The following AKAP8 variants were observed in gnomAD, a reference collection of about 807,000 sequenced individuals.
The protein encoded by AKAP8 is A-kinase anchoring protein 8, also known as A-kinase anchor protein 8.
AKAP8 carries 24 observed loss-of-function variants against 67.5 expected under a neutral mutation model. The observed-to-expected ratio is 0.36, with a 90% CI of 0.26 to 0.50. The LOEUF (loss-of-function observed/expected upper bound fraction) is 0.50. Ranked by LOEUF, AKAP8 falls within the 20% of genes least tolerant of loss-of-function variation. AKAP8 has a pLI of 0.97. For missense variants in AKAP8, 971 were observed against 955.9 expected, an observed-to-expected ratio of 1.02 and a Z score of -0.21; for synonymous variants, 400 against 371.1, an observed-to-expected ratio of 1.08 and a Z score of -0.90.
chr19:15,373,645 C>G, intron 4 of AKAP8, 141 bp downstream of exon 4: 1 of 1,109,128 alleles, frequency 9.0e-7, no homozygotes, highest in Admixed American at 2.9e-5. Context: ...ACATCACTGA[C>G]CCCCCACGAG....
intron 1 of AKAP8, among the ~76,000 whole-genome samples, chr19:15,377,352 C>T (rs186898470): frequency 7.8e-4 from 119 of 152,300 alleles, no homozygotes; most frequent in Middle Eastern, 3.4e-3. Context: ...GGACACGTTC[C>T]CCCACCCACC....
chr19:15,371,872 C>T (rs988415912), intron 7 of AKAP8, 80 bp downstream of exon 7: 5 of 1,479,960 alleles, frequency 3.4e-6, no homozygotes, highest in Non-Finnish European at 3.7e-6. Flanking sequence ...GGCAGCTGCT[C>T]CTGCCCCTTT....
chr19:15,366,973 C>A (rs1441243599), intron 9 of AKAP8, among the ~76,000 whole-genome samples: 1 of 151,418 alleles, frequency 6.6e-6, no homozygotes, highest in African/African-American at 2.4e-5. Flanking sequence ...AGTGGTGCAA[C>A]CTTGGCTCAC....
Position 15,367,144 on chromosome 19 carries a change from C to T in AKAP8, c.1160+1091G>A, listed in dbSNP as rs1056477547. Among the ~76,000 whole-genome samples the T allele has an allele frequency of 4.6e-5, 7 of 152,168 alleles. No individual in the cohort carries two copies. In the South Asian group the frequency reaches 6.2e-4, roughly 14 times the overall value. On this transcript the variant is annotated intron_variant, in intron 9 of 13. Coordinates refer to ENST00000269701, the MANE Select transcript of AKAP8 (RefSeq NM_005858.4). Reference sequence around the variant, plus strand: ...CTGGTCTTGAACTCCCGGCCTCAAGCGATCCGCCAGCTCAGCCTTCCAAAG... The same window carrying T: ...CTGGTCTTGAACTCCCGGCCTCAAGTGATCCGCCAGCTCAGCCTTCCAAAG...
chr19:15,360,263 A>AGCT (rs774515882), intron 12 of AKAP8, among the ~76,000 whole-genome samples: 1 of 152,152 alleles, frequency 6.6e-6, no homozygotes, highest in African/African-American at 2.4e-5. Flanking sequence ...CTAAGGAGAG[A>AGCT]GCTGCTAACC....
chr19:15,378,858 G>A (rs1213982133), intron 1 of AKAP8, among the ~76,000 whole-genome samples: 1 of 152,182 alleles, frequency 6.6e-6, no homozygotes, highest in South Asian at 2.1e-4. Context: ...CCCTACTGCA[G>A]GCCAAGCGCT....
chr19:15,362,202 C>T lies in AKAP8; in HGVS notation c.1210G>A (p.Glu404Lys), dbSNP rs1399970440. 29 of 1,613,998 alleles carry T rather than the reference C, an allele frequency of 1.8e-5. No individual in the cohort carries two copies. Among genetic ancestry groups the T allele is most frequent in the Non-Finnish European group, 2.5e-5 (29 of 1,180,022 alleles). Residue 404 changes from glutamate (E) to lysine (K), a missense_variant, in exon 10 of 14, where the codon GAG becomes AAG. Around this residue, in one of 3 missense-constraint regions of AKAP8, gnomAD observed 763 missense variants for 745.4 expected, o/e 1.02. Coordinates refer to ENST00000269701, the MANE Select transcript of AKAP8 (RefSeq NM_005858.4). ...VCKFRSFDDE[E>K]IQKHLQSKFH... Reference sequence around the variant, plus strand: ...TTGCTTTGCAGATGCTTCTGGATCTCTTCGTCATCAAAGCTACGGAACTTG... The same window carrying T: ...TTGCTTTGCAGATGCTTCTGGATCTTTTCGTCATCAAAGCTACGGAACTTG...
rs1599552406 is a variant in AKAP8, at chr19:15,353,958, TTCTA to T, written c.*953_*956del. Reference sequence around the variant, plus strand: ...TATATATATATATATTACAGATACCTTCTATCTATGGCAATTTATGTTGGATTAT... The same window carrying T: ...TATATATATATATATTACAGATACCTTCTATGGCAATTTATGTTGGATTAT... On this transcript the variant is annotated 3_prime_UTR_variant, in exon 14 of 14. Transcript: ENST00000269701. 1 of 151,686 alleles carries T rather than the reference TTCTA, an allele frequency of 6.6e-6. No homozygotes were observed. The allele number at this position is 151,686 out of a possible 1,614,324, so 9.4% of individuals were successfully genotyped here. A position where few individuals can be genotyped will look rare whatever the true frequency, so the allele number is the denominator to read the frequency against.
rs1220566374 is a variant in AKAP8, at chr19:15,361,909, A to G, written c.1303-87T>C. On this transcript the variant is annotated intron_variant, in intron 10 of 13. Coordinates refer to ENST00000269701, the MANE Select transcript of AKAP8 (RefSeq NM_005858.4). ...AACTGCCAGGGCTAGGCAGGCAGCTATCAGAGCAGCTGCGTGGGGCAGCAC... is the reference window on the plus strand; with the variant it reads ...AACTGCCAGGGCTAGGCAGGCAGCTGTCAGAGCAGCTGCGTGGGGCAGCAC... 4.2e-6 allele frequency: 6 copies of G among 1,413,906 alleles called. No homozygotes were observed. The African/African-American group carries it at 8.5e-5, about 20-fold the overall frequency. 87.6% of individuals were successfully genotyped at this position (1,413,906 alleles called of 1,614,324 possible). A position where few individuals can be genotyped will look rare whatever the true frequency, so the allele number is the denominator to read the frequency against.
At position 15,373,826 on chromosome 19, in the gene AKAP8, C is replaced by T. The variant is rs762851384; in HGVS notation, c.331G>A (p.Gly111Arg). The T allele has an allele frequency of 2.7e-5, 44 of 1,611,784 alleles. No individual in the cohort carries two copies. In the Admixed American group the frequency reaches 3.2e-4, roughly 12 times the overall value. ...DMMSKEGGRG[G>R]SGGGGEGIQD... ...ATGCCCTCCCCACCGCCGCCGCTCC[C>T]GCCCCTGCCTCCTTCCTTGGACATC... The change falls in exon 4 of 14, where the codon GGG becomes AGG. Residue 111 changes from glycine to arginine, a missense_variant. This residue lies in a region of AKAP8 where 763 missense variants were observed against 745.4 expected (regional missense o/e 1.02). Coordinates refer to ENST00000269701, the MANE Select transcript of AKAP8 (RefSeq NM_005858.4).
Position 15,372,981 on chromosome 19 carries a change from G to T in AKAP8, c.731C>A (p.Pro244His). ...GLGGPSPSRP[P>H]PSLFSQSMAP... ...CATGGACTGGGAGAAGAGGGACGGA[G>T]GTGGCCGGCTGGGGGAGGGCCCTCC... The change falls in exon 5 of 14, where the codon CCT (proline) becomes CAT (histidine). Residue 244 changes from proline (P) to histidine (H), a missense_variant. Physicochemically the swap from Pro to His is moderately conservative, Grantham distance 77. Around this residue, in one of 3 missense-constraint regions of AKAP8, gnomAD observed 763 missense variants for 745.4 expected, o/e 1.02. Coordinates refer to ENST00000269701, the MANE Select transcript of AKAP8 (RefSeq NM_005858.4). The T allele has an allele frequency of 6.4e-7, 1 of 1,566,126 alleles. No homozygotes were observed. Among genetic ancestry groups the T allele is most frequent in the Non-Finnish European group, 8.7e-7 (1 of 1,155,622 alleles).
In AKAP8 at chr19:15,355,067, T is replaced by C; in HGVS notation, c.1927A>G (p.Arg643Gly). The change falls in exon 14 of 14, where the codon AGA becomes GGA. Residue 643 changes from arginine to glycine, a missense_variant. Around this residue, in one of 3 missense-constraint regions of AKAP8, gnomAD observed 204 missense variants for 193.0 expected, o/e 1.06. Transcript: ENST00000269701. ...TAHEKGVPKA[R>G]SEAAEAGNGA... ...TTTCCAGCCTCTGCAGCCTCACTTC[T>C]GGCCTTGGGGACGCCCTTCTCATGT... The C allele has an allele frequency of 6.2e-7, 1 of 1,614,094 alleles. No homozygotes were observed. The highest frequency in any genetic ancestry group is 8.5e-7 in the Non-Finnish European group (1 of 1,180,034).
Position 15,355,006 on chromosome 19 carries a change from G to A in AKAP8, c.1988C>T (p.Ala663Val), listed in dbSNP as rs2048267886. ...TGGGGCAGGAGCAACTCTGGTTTGGGCACTTTCTGCCTCTGCTGCCATTGT... is the reference window on the plus strand; with the variant it reads ...TGGGGCAGGAGCAACTCTGGTTTGGACACTTTCTGCCTCTGCTGCCATTGT... ...AETMAAEAES[A>V]QTRVAPAPAA... is the part of the protein sequence containing the mutation. The change falls in exon 14 of 14, where the codon GCC (alanine) becomes GTC (valine). Residue 663 changes from alanine to valine, a missense_variant. Ala to Val is a moderately conservative substitution (Grantham distance 64). Coordinates refer to ENST00000269701, the MANE Select transcript of AKAP8 (RefSeq NM_005858.4). 1 of 1,614,018 alleles carries A rather than the reference G, an allele frequency of 6.2e-7. No individual in the cohort carries two copies.
At position 15,354,884 on chromosome 19, in the gene AKAP8, C is replaced by T; in HGVS notation, c.*31G>A. On this transcript the variant is annotated 3_prime_UTR_variant, in exon 14 of 14. Transcript: ENST00000269701. ...AGAAAGACCAACGCATCCATCATCC[C>T]AACGCCTTCCCTGGAACAGGGAAAT... 1.2e-6 allele frequency: 2 copies of T among 1,607,874 alleles called. No individual in the cohort carries two copies. Among genetic ancestry groups the T allele is most frequent in the Non-Finnish European group, 1.7e-6 (2 of 1,176,324 alleles).
At chr19:15,356,052 G>A (rs1440924251) in intron 13 of AKAP8, among the ~76,000 whole-genome samples, 1 of 151,780 alleles carries the variant, frequency 6.6e-6, no homozygotes, top group Non-Finnish European at 1.5e-5. Flanking sequence ...TTTTAATCAA[G>A]CATGTACCAG....
intron 1 of AKAP8, among the ~76,000 whole-genome samples, chr19:15,378,554 C>G (rs1285713086): frequency 6.6e-6 from 1 of 152,172 alleles, no homozygotes; most frequent in Non-Finnish European, 1.5e-5. Context: ...TGCGGAAGAC[C>G]AGGAGAGCCA....
intron 13 of AKAP8, among the ~76,000 whole-genome samples, chr19:15,356,900 G>C (rs535260843): frequency 2.4e-4 from 36 of 152,144 alleles, no homozygotes; most frequent in Non-Finnish European, 4.6e-4. Context: ...GGAGGCGGAA[G>C]CAGGCAGATC....
In AKAP8 at chr19:15,354,041, G is replaced by A. The variant is rs1298980685; in HGVS notation, c.*874C>T. 1 of 151,516 alleles carries A rather than the reference G, an allele frequency of 6.6e-6. No individual in the cohort carries two copies. The highest frequency in any genetic ancestry group is 2.4e-5 in the African/African-American group (1 of 41,212). The allele number at this position is 151,516 out of a possible 1,614,324, so 9.4% of individuals were successfully genotyped here. On this transcript the variant is annotated 3_prime_UTR_variant, in exon 14 of 14. Transcript: ENST00000269701. ...CTTTCCTTTTTTTTTAAGAGATGGG[G>A]TCTTGCTATGTTGTCCAGGTTGGTC...
At chr19:15,371,527 C>T (rs549200353) in intron 7 of AKAP8, among the ~76,000 whole-genome samples, 88 of 150,614 alleles carry the variant, frequency 5.8e-4, no homozygotes, top group Admixed American at 2.3e-3. Flanking sequence ...CTCCCTCTGT[C>T]GCCCAGGCTG....
Sources: allele counts gnomAD v4.1 joint callset (sites outside exome capture counted in the v4.1 genomes callset), GRCh38; gene constraint gnomAD v4.1.1; regional missense constraint gnomAD v4.1.1; transcripts MANE v1.5; gene names NCBI Gene and HGNC (gene_info 2026-07-23, HGNC 2026-07-21).